The following PLPP3 variants were observed in gnomAD, a reference collection of about 807,000 sequenced individuals.
PLPP3 encodes the protein PAP2 beta.
PLPP3 carries 6 observed loss-of-function variants against 29.6 expected under a neutral mutation model. The observed-to-expected ratio is 0.20, with a 90% confidence interval of 0.11 to 0.40. PLPP3 has a LOEUF of 0.40. Ranked by LOEUF, PLPP3 falls within the 10% of genes least tolerant of loss-of-function variation. The pLI, the probability that PLPP3 is intolerant of heterozygous loss-of-function variation, is 1.00. For missense variants in PLPP3, 308 were observed against 407.7 expected (o/e 0.76, Z 2.11); for synonymous variants, 152 against 159.7 (o/e 0.95, Z 0.36).
At chr1:56,529,265 C>T (rs1199308802) in intron 2 of PLPP3, among the ~76,000 whole-genome samples, 1 of 152,108 alleles carries the variant, frequency 6.6e-6, no homozygotes, top group South Asian at 2.1e-4. Context: ...GGGGCTTCCT[C>T]CTTCTAATTC....
At chr1:56,543,544 T>C (rs1004368672) in intron 1 of PLPP3, among the ~76,000 whole-genome samples, 5 of 152,206 alleles carry the variant, frequency 3.3e-5, no homozygotes, top group African/African-American at 1.2e-4. Context: ...AAAATACAAA[T>C]ATTTATGTTG....
At chr1:56,555,972 T>C (rs908863938) in intron 1 of PLPP3, among the ~76,000 whole-genome samples, 7 of 152,182 alleles carry the variant, frequency 4.6e-5, no homozygotes, top group East Asian at 1.9e-4. Context: ...ACATTTTTTT[T>C]CCCCCTGGTT....
At chr1:56,535,411 G>A (rs1008066645) in intron 2 of PLPP3, among the ~76,000 whole-genome samples, 3 of 152,126 alleles carry the variant, frequency 2.0e-5, no homozygotes, top group African/African-American at 4.8e-5. Flanking sequence ...GTGTTTCTCC[G>A]GAACTATAGG....
At chr1:56,572,358 C>T (rs1224781429) in intron 1 of PLPP3, among the ~76,000 whole-genome samples, 1 of 152,078 alleles carries the variant, frequency 6.6e-6, no homozygotes, top group East Asian at 1.9e-4. Flanking sequence ...CCTTGCTGTT[C>T]TTTTAGTTTG....
intron 1 of PLPP3, among the ~76,000 whole-genome samples, chr1:56,573,994 G>A (rs1293335863): frequency 3.9e-5 from 6 of 152,172 alleles, no homozygotes; most frequent in African/African-American, 1.4e-4. Context: ...AAAGTCAGGA[G>A]ATCGAGACCA....
At chr1:56,542,945 G>A (rs749225926) in intron 1 of PLPP3, among the ~76,000 whole-genome samples, 1 of 151,884 alleles carries the variant, frequency 6.6e-6, no homozygotes. Flanking sequence ...GAGCCCAGAA[G>A]GCGGAGGTTG....
Position 56,579,466 on chromosome 1 carries a change from C to A in PLPP3, c.-450G>T. 6.1e-6 allele frequency: 1 copy of A among 165,232 alleles called. No individual in the cohort carries two copies. The highest frequency in any genetic ancestry group is 1.3e-5 in the Non-Finnish European group (1 of 77,856). 10.2% of individuals were successfully genotyped at this position (165,232 alleles called of 1,614,324 possible). A position where few individuals can be genotyped will look rare whatever the true frequency, so the allele number is the denominator to read the frequency against. ...AGCGCCAGCCCCAACTCTAACTTTG[C>A]CTCCTCCTCCTCCTCCTCCTCCGGC... On this transcript the variant is annotated 5_prime_UTR_variant, in exon 1 of 6. Coordinates refer to ENST00000371250, the MANE Select transcript of PLPP3 (RefSeq NM_003713.5).
At chr1:56,566,191 C>A (rs1646160924) in intron 1 of PLPP3, among the ~76,000 whole-genome samples, 1 of 152,220 alleles carries the variant, frequency 6.6e-6, no homozygotes, top group African/African-American at 2.4e-5. Context: ...CAGAGAACCA[C>A]TAGTCCAACT....
At chr1:56,554,977 C>G (rs17416285) in intron 1 of PLPP3, among the ~76,000 whole-genome samples, 13,939 of 152,146 alleles carry the variant, frequency 0.092, 757 homozygotes, top group Middle Eastern at 0.14. Context: ...TATGAAGCAC[C>G]TATGATGAAC....
chr1:56,503,690 C>CA lies in PLPP3; in HGVS notation c.811-7015dup, dbSNP rs367789886. On this transcript the variant is annotated intron_variant, in intron 5 of 5. Transcript: ENST00000371250. ...GTGAAACTCCATCTCCAAAAAAAAC[C>CA]AAAAAAAATCCACCTACCTGTGGTT... Among the ~76,000 whole-genome samples the CA allele has an allele frequency of 9.1e-4, 138 of 151,712 alleles. 1 individual carries two copies. The highest frequency in any genetic ancestry group is 3.2e-3 in the African/African-American group (132 of 41,416).
chr1:56,555,969 T>C (rs371958090), intron 1 of PLPP3, among the ~76,000 whole-genome samples: 1 of 152,184 alleles, frequency 6.6e-6, no homozygotes, highest in Admixed American at 6.5e-5. Flanking sequence ...AAGACATTTT[T>C]TTTCCCCCTG....
intron 5 of PLPP3, among the ~76,000 whole-genome samples, chr1:56,500,467 G>A (rs768681879): frequency 1.2e-4 from 19 of 152,164 alleles, no homozygotes; most frequent in Admixed American, 9.2e-4. Flanking sequence ...GTGAATGCTA[G>A]GATGTTATAG....
chr1:56,523,790 G>A (rs750878354), intron 4 of PLPP3, 33 bp downstream of exon 4: 7 of 1,594,862 alleles, frequency 4.4e-6, no homozygotes, highest in Non-Finnish European at 5.2e-6. Context: ...AGCTGGAACT[G>A]AGCACTGCTC....
At chr1:56,505,743 TTA>T (rs1645698103) in intron 5 of PLPP3, among the ~76,000 whole-genome samples, 1 of 152,218 alleles carries the variant, frequency 6.6e-6, no homozygotes, top group Admixed American at 6.5e-5. Context: ...AATTGACTGT[TTA>T]TGTTATCAGT....
At chr1:56,540,471 G>C (rs1211835245) in intron 1 of PLPP3, among the ~76,000 whole-genome samples, 1 of 151,960 alleles carries the variant, frequency 6.6e-6, no homozygotes, top group Non-Finnish European at 1.5e-5. Context: ...AGAAGGCAAG[G>C]GAAAAAAATC....
chr1:56,544,347 A>G (rs1243046754), intron 1 of PLPP3, among the ~76,000 whole-genome samples: 1 of 152,158 alleles, frequency 6.6e-6, no homozygotes, highest in Non-Finnish European at 1.5e-5. Flanking sequence ...TCATCATTAT[A>G]TATTTCACAA....
chr1:56,555,433 T>TAAAAAAAAAAAAAAAACAAAAAAAAA (rs1646068442), intron 1 of PLPP3, among the ~76,000 whole-genome samples: 2 of 33,216 alleles, frequency 6.0e-5, no homozygotes, highest in Non-Finnish European at 1.1e-4. Flanking sequence ...GGCCAAACAC[T>TAAAAAAAAAAAAAAAACAAAAAAAAA]AAAAAAAAAA....
intron 1 of PLPP3, among the ~76,000 whole-genome samples, chr1:56,541,149 A>G (rs1645966347): frequency 6.6e-6 from 1 of 152,210 alleles, no homozygotes; most frequent in African/African-American, 2.4e-5. Context: ...GAGTCTTTCA[A>G]GGTGTCCAAC....
rs531058580 is a variant in PLPP3, at chr1:56,560,895, TGGCCTG to T, written c.139+17977_139+17982del. On this transcript the variant is annotated intron_variant, in intron 1 of 5. Transcript: ENST00000371250. ...CTCTGTCGCCCAGGCTGGAGTGCAG[TGGCCTG>T]ATCTCGGCCCACTGCAAGCTCCGCC... 4.3e-5 allele frequency among the ~76,000 whole-genome samples: 6 copies of T among 140,592 alleles called. No homozygotes were observed. In the South Asian group the frequency reaches 1.5e-3, roughly 36 times the overall value. 92.2% of individuals were successfully genotyped at this position (140,592 alleles called of 152,430 possible). A position where few individuals can be genotyped will look rare whatever the true frequency, so the allele number is the denominator to read the frequency against.
Sources: gnomAD v4.1 joint callset for allele counts (sites outside exome capture counted in the v4.1 genomes callset) on GRCh38, gnomAD v4.1.1 for gene constraint, MANE v1.5 for transcripts, NCBI Gene and HGNC (gene_info 2026-07-23, HGNC 2026-07-21) for gene names.